The following RNF220 variants were observed in gnomAD, a reference collection of about 807,000 sequenced individuals.
RNF220 encodes the protein E3 ubiquitin-protein ligase RNF220.
Under a neutral mutation model 67.1 loss-of-function variants are expected in RNF220, and 7 were observed. The observed-to-expected ratio is 0.10, with a 90% CI of 0.06 to 0.20. The LOEUF (loss-of-function observed/expected upper bound fraction) is 0.20, where lower values mean the gene tolerates loss of function less well. Ranked by LOEUF, RNF220 falls within the 10% of genes least tolerant of loss-of-function variation. RNF220 has a pLI of 1.00. For synonymous variants in RNF220, 270 were observed against 283.2 expected (o/e 0.95, Z 0.47); for missense variants, 565 against 740.3 (o/e 0.76, Z 2.75).
intron 3 of RNF220, among the ~76,000 whole-genome samples, chr1:44,620,080 C>G (rs983926763): frequency 6.6e-6 from 1 of 152,188 alleles, no homozygotes; most frequent in African/African-American, 2.4e-5. Flanking sequence ...CAAAGTCACA[C>G]AGAAAGCAAA....
intron 7 of RNF220, 190 bp downstream of exon 7, chr1:44,635,778 T>A: frequency 7.2e-7 from 1 of 1,380,770 alleles, no homozygotes; most frequent in African/African-American, 1.5e-5. Flanking sequence ...TCTCAGCAGC[T>A]TCTTCCCTTC....
intron 2 of RNF220, among the ~76,000 whole-genome samples, chr1:44,580,030 C>CAAAAAAAAAAAAAAAAAAAAAAAAAAA (rs61499825): frequency 2.8e-4 from 18 of 65,230 alleles, no homozygotes; most frequent in Admixed American, 4.5e-4. Context: ...CCCTGTCTCA[C>CAAAAAAAAAAAAAAAAAAAAAAAAAAA]AAAAAAAAAA....
chr1:44,631,487 TCCATGTTGG>T (rs1293009940), intron 5 of RNF220, among the ~76,000 whole-genome samples: 7 of 152,202 alleles, frequency 4.6e-5, no homozygotes, highest in East Asian at 1.9e-4. Flanking sequence ...GATACTGAGT[TCCATGTTGG>T]CCATGTTGGC....
chr1:44,452,669 C>T (rs1384059931), intron 2 of RNF220, among the ~76,000 whole-genome samples: 3 of 152,046 alleles, frequency 2.0e-5, no homozygotes, highest in Non-Finnish European at 4.4e-5. Context: ...CGGAGTTTCA[C>T]CATGTTGACC....
At chr1:44,490,331 G>A (rs1263756963) in intron 2 of RNF220, among the ~76,000 whole-genome samples, 6 of 151,974 alleles carry the variant, frequency 3.9e-5, no homozygotes, top group Non-Finnish European at 7.4e-5. Context: ...TTAGCCAGGC[G>A]TGGTGGCGAG....
At chr1:44,625,223 T>G (rs948594389) in intron 4 of RNF220, among the ~76,000 whole-genome samples, 1 of 152,162 alleles carries the variant, frequency 6.6e-6, no homozygotes, top group African/African-American at 2.4e-5. Context: ...CCCACTGGGC[T>G]TGGATGGGTG....
At chr1:44,541,298 C>A (rs1035154898) in intron 2 of RNF220, among the ~76,000 whole-genome samples, 7 of 152,142 alleles carry the variant, frequency 4.6e-5, no homozygotes, top group Non-Finnish European at 1.0e-4. Flanking sequence ...TGTGGTGGCA[C>A]ACACCTGTAG....
At chr1:44,519,520 G>C (rs1296330055) in intron 2 of RNF220, among the ~76,000 whole-genome samples, 2 of 152,166 alleles carry the variant, frequency 1.3e-5, no homozygotes, top group African/African-American at 4.8e-5. Flanking sequence ...CAGACTGAAA[G>C]CCAGAGAAAG....
chr1:44,444,426 T>C lies in RNF220; in HGVS notation c.625+31704T>C, dbSNP rs570039078. On this transcript the variant is annotated intron_variant, in intron 2 of 14. Transcript: ENST00000361799. ...TCATTTTTATTGCTGTGTAATGCCC[T>C]AATTTCCTTTCTTTTCTTTCTTTCT... is the stretch of plus-strand genomic sequence containing the variant. Among the ~76,000 whole-genome samples the C allele has an allele frequency of 2.5e-3, 378 of 152,124 alleles. 1 individual carries two copies. Among genetic ancestry groups the C allele is most frequent in the Admixed American group, 4.8e-3 (73 of 15,262 alleles).
intron 2 of RNF220, among the ~76,000 whole-genome samples, chr1:44,602,608 T>G (rs540747221): frequency 2.6e-5 from 4 of 152,190 alleles, no homozygotes; most frequent in African/African-American, 9.6e-5. Context: ...ATCTCTAGCC[T>G]GCCTTCCCCA....
At chr1:44,626,268 G>C in intron 4 of RNF220, 29 bp from the exon 5 acceptor site, 1 of 1,569,302 alleles carries the variant, frequency 6.4e-7, no homozygotes, top group Non-Finnish European at 8.8e-7. Flanking sequence ...CATTTGGCCT[G>C]AGGCCACATG....
chr1:44,649,991 C>T lies in RNF220; in HGVS notation c.1629+34C>T, dbSNP rs376819933. 41 of 1,604,108 alleles carry T rather than the reference C, an allele frequency of 2.6e-5. No individual in the cohort carries two copies. The highest frequency in any genetic ancestry group is 3.2e-5 in the Non-Finnish European group (38 of 1,174,616). On this transcript the variant is annotated intron_variant, in intron 14 of 14. Transcript: ENST00000361799. This position sits in a 1 kb window ranked among gnomAD's most constrained non-coding sequence, Gnocchi z 5.9. The stretch of plus-strand genomic sequence containing the variant: ...GCATGGGGGTCGGGGAATGGGAGGC[C>T]GCTCCGGGCACTGCCCAGATGTCTG...
At chr1:44,421,285 G>A (rs957488322) in intron 2 of RNF220, among the ~76,000 whole-genome samples, 18 of 152,152 alleles carry the variant, frequency 1.2e-4, no homozygotes, top group African/African-American at 4.1e-4. Context: ...ACTGGATATT[G>A]TTTGAAATCA....
rs973266811 is a variant in RNF220, at chr1:44,624,133, T to G, written c.804+1346T>G. On this transcript the variant is annotated intron_variant, in intron 4 of 14. Coordinates refer to ENST00000361799, the MANE Select transcript of RNF220 (RefSeq NM_018150.4). This position sits in a 1 kb window ranked among gnomAD's most constrained non-coding sequence, Gnocchi z 4.2. ...GTGGGTATAGGCCTTGGCCAAGGAGTCAAAGCCCCAAAGAGAAAGGGGAGG... is the reference window on the plus strand; with the variant it reads ...GTGGGTATAGGCCTTGGCCAAGGAGGCAAAGCCCCAAAGAGAAAGGGGAGG... Among the ~76,000 whole-genome samples the G allele has an allele frequency of 7.9e-5, 12 of 151,832 alleles. No individual in the cohort carries two copies. The highest frequency in any genetic ancestry group is 2.9e-4 in the African/African-American group (12 of 41,312).
chr1:44,537,170 T>TAC lies in RNF220; in HGVS notation c.626-76981_626-76980dup, dbSNP rs148666302. Among the ~76,000 whole-genome samples, 160 of 151,728 alleles carry TAC rather than the reference T, an allele frequency of 1.1e-3. 2 individuals are homozygous for TAC. In the South Asian group the frequency reaches 0.012, roughly 11 times the overall value. On this transcript the variant is annotated intron_variant, in intron 2 of 14. Coordinates refer to ENST00000361799, the MANE Select transcript of RNF220 (RefSeq NM_018150.4). The stretch of plus-strand genomic sequence containing the variant: ...CTCTGCCCCTCTTCTACCCCCTGCA[T>TAC]ACACACACACACACAAACACCTTTC...
In RNF220 at chr1:44,520,128, T is replaced by TGTGTGAGTGA. The variant is rs796131470; in HGVS notation, c.626-94036_626-94035insTGTGAGTGAG. 9.7e-5 allele frequency among the ~76,000 whole-genome samples: 11 copies of TGTGTGAGTGA among 113,462 alleles called. No homozygotes were observed. The South Asian group carries it at 3.6e-3, about 37-fold the overall frequency. 74.4% of individuals were successfully genotyped at this position (113,462 alleles called of 152,430 possible). ...GTGTGTGTGTGTGTGTGTGTGTGTG[T>TGTGTGAGTGA]GAGAGAGAGAGAGAGAGAAAGAGAG... On this transcript the variant is annotated intron_variant, in intron 2 of 14. Coordinates refer to ENST00000361799, the MANE Select transcript of RNF220 (RefSeq NM_018150.4).
At chr1:44,615,035 G>A (rs1380473295) in intron 3 of RNF220, among the ~76,000 whole-genome samples, 2 of 152,170 alleles carry the variant, frequency 1.3e-5, no homozygotes, top group Non-Finnish European at 2.9e-5. Flanking sequence ...GCTGGGAGCT[G>A]GGTCATGTGA....
intron 2 of RNF220, among the ~76,000 whole-genome samples, chr1:44,610,282 G>A (rs916812655): frequency 2.0e-5 from 3 of 152,208 alleles, no homozygotes; most frequent in African/African-American, 4.8e-5. Flanking sequence ...CCATTTCCTC[G>A]TTATCAGTGC....
chr1:44,598,576 G>C (rs1281236441), intron 2 of RNF220, among the ~76,000 whole-genome samples: 1 of 152,204 alleles, frequency 6.6e-6, no homozygotes, highest in Non-Finnish European at 1.5e-5. Context: ...GGGGTTCCGG[G>C]TGGGGCTTGG....
Sources: allele counts gnomAD v4.1 joint callset (sites outside exome capture counted in the v4.1 genomes callset), GRCh38; gene constraint gnomAD v4.1.1; non-coding constraint Gnocchi (gnomAD v3.1); transcripts MANE v1.5; gene names NCBI Gene and HGNC (gene_info 2026-07-23, HGNC 2026-07-21).